Variants in STK3 observed in about 807,000 individuals in gnomAD.
The protein encoded by STK3 is serine/threonine kinase 3, also known as serine/threonine-protein kinase 3.
Under a neutral mutation model 58.0 loss-of-function variants are expected in STK3, and 41 were observed. That is an observed-to-expected ratio of 0.71 (90% CI 0.55 to 0.92). The LOEUF (loss-of-function observed/expected upper bound fraction) is 0.92, where lower values mean the gene tolerates loss of function less well. Ranked by LOEUF, STK3 falls within the 40% of genes least tolerant of loss-of-function variation. The pLI is 0.00. For missense variants in STK3, 479 were observed against 602.7 expected, an observed-to-expected ratio of 0.79 and a Z score of 2.15; for synonymous variants, 170 against 191.0, an observed-to-expected ratio of 0.89 and a Z score of 0.91.
intron 4 of STK3, among the ~76,000 whole-genome samples, chr8:98,726,409 T>A (rs1827800338): frequency 6.6e-6 from 1 of 152,204 alleles, no homozygotes; most frequent in Non-Finnish European, 1.5e-5. Flanking sequence ...TATGCTGTAT[T>A]TAATCAGAGA....
chr8:98,820,671 T>C (rs913777561), intron 1 of STK3, among the ~76,000 whole-genome samples: 8 of 152,142 alleles, frequency 5.3e-5, no homozygotes. Context: ...CAGCTAGCAG[T>C]TCCCCTATAA....
intron 6 of STK3, among the ~76,000 whole-genome samples, chr8:98,662,447 G>A (rs1587213459): frequency 6.6e-6 from 1 of 152,200 alleles, no homozygotes; most frequent in East Asian, 1.9e-4. Context: ...TAAACAATAT[G>A]ATCTATGATC....
intron 10 of STK3, among the ~76,000 whole-genome samples, chr8:98,507,821 G>A (rs546137156): frequency 6.6e-5 from 10 of 152,050 alleles, no homozygotes; most frequent in East Asian, 1.9e-4. Flanking sequence ...TCAGATATCC[G>A]GATGGCTCAC....
intron 10 of STK3, among the ~76,000 whole-genome samples, chr8:98,467,930 T>C (rs1008703381): frequency 1.3e-5 from 2 of 152,338 alleles, no homozygotes; most frequent in African/African-American, 4.8e-5. Flanking sequence ...AATTATACTA[T>C]CTTCATATCA....
intron 6 of STK3, among the ~76,000 whole-genome samples, chr8:98,701,629 AATAT>A (rs67212837): frequency 7.0e-6 from 1 of 142,320 alleles, no homozygotes; most frequent in African/African-American, 2.8e-5. Flanking sequence ...CTCAAAAAAA[AATAT>A]ATATATATAT....
Position 98,548,042 on chromosome 8 carries a change from C to T in STK3, c.1068G>A (p.Thr356=), listed in dbSNP as rs370978802. The T allele has an allele frequency of 9.4e-5, 152 of 1,610,272 alleles. No homozygotes were observed. Among genetic ancestry groups the T allele is most frequent in the Non-Finnish European group, 1.2e-4 (141 of 1,178,274 alleles). ...TGGTCCCCAAGTCGGATTCCAACAT[C>T]GTGCTATTATGTTCAATCATGGTCT... ...GAQTMIEHNS[T]MLESDLGTMV... Residue 356 remains threonine (T), a synonymous_variant, in exon 9 of 11, where the codon ACG becomes ACA. Transcript: ENST00000419617.
chr8:98,422,347 C>T (rs1456597749), intron 3 of STK3, among the ~76,000 whole-genome samples: 1 of 152,140 alleles, frequency 6.6e-6, no homozygotes, highest in Non-Finnish European at 1.5e-5. Flanking sequence ...GGGGCCTAGA[C>T]CTGGCTTCCC....
intron 6 of STK3, among the ~76,000 whole-genome samples, chr8:98,668,919 T>C (rs185423065): frequency 9.8e-4 from 149 of 152,030 alleles, no homozygotes; most frequent in African/African-American, 3.3e-3. Context: ...TAATTCCAAT[T>C]ATATTTCAAT....
intron 1 of STK3, among the ~76,000 whole-genome samples, chr8:98,902,962 G>A (rs1371407935): frequency 1.3e-5 from 2 of 152,182 alleles, no homozygotes; most frequent in Non-Finnish European, 2.9e-5. Context: ...CAAAACCCAA[G>A]CCTCTCAATC....
At chr8:98,378,387 C>G (rs1292383302) in intron 2 of STK3, among the ~76,000 whole-genome samples, 1 of 152,212 alleles carries the variant, frequency 6.6e-6, no homozygotes, top group Non-Finnish European at 1.5e-5. Flanking sequence ...CTATACGTTT[C>G]AGGATCAATG....
intron 10 of STK3, among the ~76,000 whole-genome samples, chr8:98,498,221 G>T (rs779401601): frequency 1.3e-5 from 2 of 151,980 alleles, no homozygotes; most frequent in African/African-American, 4.8e-5. Context: ...GCTGAGGCAG[G>T]GGTAGAGGGG....
At chr8:98,353,355 G>A in the STK3 span, among the ~76,000 whole-genome samples, 1 of 152,090 alleles carries the variant, frequency 6.6e-6, no homozygotes, top group East Asian at 1.9e-4. Flanking sequence ...TCTGGGTGTG[G>A]TTGTGCATGC....
chr8:98,568,308 A>T (rs1812674933), intron 8 of STK3, among the ~76,000 whole-genome samples: 1 of 152,188 alleles, frequency 6.6e-6, no homozygotes, highest in South Asian at 2.1e-4. Context: ...TTGAATAGAT[A>T]ACAGTATATG....
intron 7 of STK3, among the ~76,000 whole-genome samples, chr8:98,586,610 A>C (rs904324088): frequency 2.7e-4 from 40 of 150,804 alleles, no homozygotes; most frequent in East Asian, 5.8e-4. Context: ...TGCTGGCCTC[A>C]TAAAATGAGT....
chr8:98,726,857 G>C (rs1472675911), intron 4 of STK3, among the ~76,000 whole-genome samples: 1 of 152,140 alleles, frequency 6.6e-6, no homozygotes, highest in Non-Finnish European at 1.5e-5. Context: ...AAGGAAAAAA[G>C]AGATGGGACC....
intron 3 of STK3, among the ~76,000 whole-genome samples, chr8:98,861,949 G>C (rs1448218905): frequency 2.0e-5 from 3 of 152,166 alleles, no homozygotes; most frequent in African/African-American, 7.2e-5. Context: ...TGAGAGATTT[G>C]TTACAGAGAT....
downstream of STK3, chr8:98,371,222 A>G (rs922500495): frequency 1.3e-5 from 2 of 152,218 alleles, no homozygotes; most frequent in African/African-American, 4.8e-5. Flanking sequence ...ACATTTGCCG[A>G]ACTGGTGAAG....
At chr8:98,433,284 T>G (rs1330079396) in intron 3 of STK3, among the ~76,000 whole-genome samples, 2 of 152,048 alleles carry the variant, frequency 1.3e-5, no homozygotes, top group African/African-American at 4.8e-5. Context: ...CAGCCTGCCC[T>G]GCCAGCCCCA....
At chr8:98,888,024 C>G (rs1211486758) in intron 1 of STK3, among the ~76,000 whole-genome samples, 1 of 152,042 alleles carries the variant, frequency 6.6e-6, no homozygotes, top group African/African-American at 2.4e-5. Context: ...GATCTAAAGT[C>G]TGAACTATTG....
Sources: gnomAD v4.1 joint callset for allele counts (sites outside exome capture counted in the v4.1 genomes callset) on GRCh38, gnomAD v4.1.1 for gene constraint, MANE v1.5 for transcripts, NCBI Gene and HGNC (gene_info 2026-07-23, HGNC 2026-07-21) for gene names.